Variants in C2orf80 observed in about 807,000 individuals in gnomAD.
The protein encoded by C2orf80 is uncharacterized protein C2orf80.
A neutral mutation model predicts 30.2 loss-of-function variants in C2orf80; 28 were observed. The observed-to-expected ratio is 0.93, with a 90% CI of 0.69 to 1.27. The LOEUF (loss-of-function observed/expected upper bound fraction) is 1.27. Among genes scored for constraint, C2orf80 ranks in the 50% most tolerant of loss-of-function variants. The pLI, the probability that C2orf80 is intolerant of heterozygous loss-of-function variation, is 0.00. For synonymous variants in C2orf80, 80 were observed against 76.4 expected (o/e 1.05, Z -0.24); for missense variants, 220 against 231.0 (o/e 0.95, Z 0.31).
intron 8 of C2orf80, among the ~76,000 whole-genome samples, chr2:208,167,470 C>T (rs561078651): frequency 1.3e-4 from 20 of 151,806 alleles, no homozygotes; most frequent in South Asian, 8.4e-4. Flanking sequence ...TGCAGTGAGC[C>T]GAGATAACAC....
At chr2:208,184,894 G>T in intron 3 of C2orf80, 57 bp downstream of exon 3, 4 of 1,380,638 alleles carry the variant, frequency 2.9e-6, no homozygotes, top group Admixed American at 1.7e-5. Context: ...TCCTTTTTCT[G>T]TCTCTTTAAT....
chr2:208,186,861 C>T (rs1284632944), intron 2 of C2orf80, 85 bp downstream of exon 2: 2 of 1,163,544 alleles, frequency 1.7e-6, no homozygotes, highest in African/African-American at 1.5e-5. Flanking sequence ...GATTTTTACC[C>T]ACTGCCAATA....
intron 4 of C2orf80, 44 bp downstream of exon 4, chr2:208,182,921 A>T: frequency 7.0e-7 from 1 of 1,434,126 alleles, no homozygotes; most frequent in Non-Finnish European, 9.8e-7. Context: ...CATTAATCAT[A>T]GGCACAAATT....
At chr2:208,174,841 T>C (rs942099426) in intron 6 of C2orf80, among the ~76,000 whole-genome samples, 2 of 152,232 alleles carry the variant, frequency 1.3e-5, no homozygotes, top group African/African-American at 4.8e-5. Context: ...TCTGACCACC[T>C]GCCTTTGTCT....
chr2:208,181,324 T>C lies in C2orf80; in HGVS notation c.207-19A>G. The C allele has an allele frequency of 6.7e-7, 1 of 1,486,634 alleles. No homozygotes were observed. The highest frequency in any genetic ancestry group is 9.4e-7 in the Non-Finnish European group (1 of 1,064,444). 92.1% of individuals were successfully genotyped at this position (1,486,634 alleles called of 1,614,324 possible). A position where few individuals can be genotyped will look rare whatever the true frequency, so the allele number is the denominator to read the frequency against. ...TATTTTCCTAATGGGGAATAGGAAATACAAGTGGAAGATTTATTCTTGTTC... is the reference window on the plus strand; with the variant it reads ...TATTTTCCTAATGGGGAATAGGAAACACAAGTGGAAGATTTATTCTTGTTC... On this transcript the variant is annotated intron_variant, in intron 4 of 8. Transcript: ENST00000341287.
At chr2:208,181,971 G>A (rs1396130008) in intron 4 of C2orf80, among the ~76,000 whole-genome samples, 2 of 152,040 alleles carry the variant, frequency 1.3e-5, no homozygotes, top group African/African-American at 4.8e-5. Context: ...CAGATACAAG[G>A]GCAATAAAAT....
In C2orf80 at chr2:208,180,306, C is replaced by A; in HGVS notation, c.366+439G>T. On this transcript the variant is annotated intron_variant, in intron 6 of 8. Transcript: ENST00000341287. ...CTCTACCAAAAAATACAAAAATTAGCCGGGTGTGGTGGTGCATGCCTGTAG... is the reference window on the plus strand; with the variant it reads ...CTCTACCAAAAAATACAAAAATTAGACGGGTGTGGTGGTGCATGCCTGTAG... Among the ~76,000 whole-genome samples, 2 of 151,900 alleles carry A rather than the reference C, an allele frequency of 1.3e-5. 1 individual carries two copies. The highest frequency in any genetic ancestry group is 3.9e-4 in the East Asian group (2 of 5,176).
chr2:208,175,754 AC>A (rs1418160294), intron 6 of C2orf80, among the ~76,000 whole-genome samples: 6 of 150,740 alleles, frequency 4.0e-5, no homozygotes, highest in African/African-American at 1.2e-4. Flanking sequence ...TTTTTAAAAA[AC>A]TCTAGTTAAA....
chr2:208,186,892 A>T, intron 2 of C2orf80, 54 bp downstream of exon 2: 1 of 1,498,938 alleles, frequency 6.7e-7, no homozygotes, highest in Non-Finnish European at 9.3e-7. Flanking sequence ...CTATGACATG[A>T]AATCCACCGA....
chr2:208,180,531 C>T (rs1368520231), intron 6 of C2orf80, among the ~76,000 whole-genome samples: 7 of 151,976 alleles, frequency 4.6e-5, no homozygotes, highest in African/African-American at 1.7e-4. Flanking sequence ...CAGCCGTACA[C>T]AAGATACATT....
intron 3 of C2orf80, among the ~76,000 whole-genome samples, chr2:208,184,417 T>A (rs1202386888): frequency 6.6e-6 from 1 of 152,030 alleles, no homozygotes; most frequent in Non-Finnish European, 1.5e-5. Context: ...GTCTTTTTTA[T>A]TAGTGTAAGG....
At position 208,180,810 on chromosome 2, in the gene C2orf80, T is replaced by A; in HGVS notation, c.301A>T (p.Ile101Phe). Reference protein sequence around the residue: ...SSYAGILMNSIPIEEVFKIYG... With the variant: ...SSYAGILMNSFPIEEVFKIYG... ...ATTTTAAAGACTTCCTCAATCGGGA[T>A]ACTGTTCTGTTAAACAACAACAGCA... Residue 101 changes from isoleucine (I) to phenylalanine (F), a missense_variant, in exon 6 of 9, where the codon ATC becomes TTC. Ile to Phe is a conservative substitution (Grantham distance 21). Coordinates refer to ENST00000341287, the MANE Select transcript of C2orf80 (RefSeq NM_001099334.3). The A allele has an allele frequency of 6.2e-7, 1 of 1,613,030 alleles. No homozygotes were observed. The highest frequency in any genetic ancestry group is 8.5e-7 in the Non-Finnish European group (1 of 1,179,384).
intron 3 of C2orf80, among the ~76,000 whole-genome samples, chr2:208,184,476 G>A (rs541294539): frequency 2.6e-5 from 4 of 152,186 alleles, no homozygotes; most frequent in Non-Finnish European, 5.9e-5. Context: ...TTTCTTTTGA[G>A]TTAGATCTTT....
intron 1 of C2orf80, 111 bp from the exon 2 acceptor site, chr2:208,187,172 C>A: frequency 1.8e-6 from 1 of 564,254 alleles, no homozygotes; most frequent in Non-Finnish European, 3.1e-6. Flanking sequence ...ATTCAGGCCT[C>A]TTACTCGGCA....
chr2:208,182,822 T>A, intron 4 of C2orf80, 143 bp downstream of exon 4: 1 of 724,912 alleles, frequency 1.4e-6, no homozygotes, highest in Non-Finnish European at 2.5e-6. Context: ...GTTCCTCAGG[T>A]GTCTCGTTGA....
At chr2:208,173,436 A>G (rs1205799311) in intron 6 of C2orf80, among the ~76,000 whole-genome samples, 1 of 152,086 alleles carries the variant, frequency 6.6e-6, no homozygotes, top group African/African-American at 2.4e-5. Context: ...TATCCTGGAT[A>G]ACACTGTGAA....
At chr2:208,167,417 G>C (rs1260104321) in intron 8 of C2orf80, among the ~76,000 whole-genome samples, 2 of 151,748 alleles carry the variant, frequency 1.3e-5, no homozygotes, top group East Asian at 4.0e-4. Context: ...AGCTACTCAG[G>C]AGACTGAGAC....
chr2:208,168,219 A>G (rs1364455181), intron 8 of C2orf80, among the ~76,000 whole-genome samples: 1 of 152,208 alleles, frequency 6.6e-6, no homozygotes, highest in Non-Finnish European at 1.5e-5. Context: ...ATTAAATACC[A>G]TAAGAAATAT....
chr2:208,165,959 GA>G, intron 8 of C2orf80, 144 bp from the exon 9 acceptor site: 1 of 528,608 alleles, frequency 1.9e-6, no homozygotes, highest in Non-Finnish European at 3.3e-6. Context: ...AATTACAAAG[GA>G]ATTTTCATGG....
Sources: gnomAD v4.1 joint callset for allele counts (sites outside exome capture counted in the v4.1 genomes callset) on GRCh38, gnomAD v4.1.1 for gene constraint, MANE v1.5 for transcripts, NCBI Gene and HGNC (gene_info 2026-07-23, HGNC 2026-07-21) for gene names.